Variants in CNTN5 observed in about 807,000 individuals in gnomAD.
CNTN5 encodes contactin-5.
In CNTN5, 77 loss-of-function variants were observed where a neutral mutation model predicts 129.1. The ratio of observed to expected loss-of-function variants is 0.60; its 90% CI spans 0.50 to 0.72. CNTN5 has a LOEUF of 0.72. Ranked by LOEUF, CNTN5 falls within the 30% of genes least tolerant of loss-of-function variation. The probability of loss-of-function intolerance (pLI) is 0.00; values close to 1 mark genes in which losing one functional copy is unlikely to be tolerated. For missense variants in CNTN5, 1,478 were observed against 1,328.8 expected (o/e 1.11, Z -1.75); for synonymous variants, 509 against 465.6 (o/e 1.09, Z -1.20).
intron 13 of CNTN5, among the ~76,000 whole-genome samples, chr11:100,150,803 C>G (rs1194367004): frequency 6.6e-6 from 1 of 152,066 alleles, no homozygotes; most frequent in African/African-American, 2.4e-5. Context: ...TGGATTTAAT[C>G]TTTGTGTCTC....
At chr11:99,372,539 G>A (rs1371751048) in intron 2 of CNTN5, among the ~76,000 whole-genome samples, 1 of 152,076 alleles carries the variant, frequency 6.6e-6, no homozygotes, top group East Asian at 1.9e-4. Flanking sequence ...GGGAAAATCT[G>A]GGATAATTCC....
chr11:100,342,434 C>A (rs1952186428), intron 23 of CNTN5, among the ~76,000 whole-genome samples: 1 of 152,056 alleles, frequency 6.6e-6, no homozygotes, highest in African/African-American at 2.4e-5. Context: ...ACTGGAGAGG[C>A]AAAGTAGAAT....
chr11:100,023,772 A>G lies in CNTN5; in HGVS notation c.980+21636A>G, dbSNP rs115085733. 5.5e-3 allele frequency among the ~76,000 whole-genome samples: 843 copies of G among 152,228 alleles called. 7 individuals are homozygous for G. The highest frequency in any genetic ancestry group is 0.019 in the African/African-American group (798 of 41,536). On this transcript the variant is annotated intron_variant, in intron 9 of 24. Transcript: ENST00000524871. ...AAACCATAAAATATGTTGCCTTTTC[A>G]GGTTGGCCTTTTTAAATTTAGTAAT... is the stretch of plus-strand genomic sequence containing the variant.
intron 13 of CNTN5, among the ~76,000 whole-genome samples, chr11:100,138,954 G>T (rs568972813): frequency 3.6e-4 from 55 of 152,200 alleles, no homozygotes; most frequent in African/African-American, 1.3e-3. Context: ...GAAATGACAG[G>T]ATTTTCTAGT....
At chr11:99,373,818 C>T (rs573110484) in intron 2 of CNTN5, among the ~76,000 whole-genome samples, 8 of 151,458 alleles carry the variant, frequency 5.3e-5, no homozygotes, top group African/African-American at 1.7e-4. Flanking sequence ...ATTAATATGT[C>T]CATATTTTGT....
chr11:100,242,715 C>T (rs1949767411), intron 16 of CNTN5, among the ~76,000 whole-genome samples: 1 of 152,224 alleles, frequency 6.6e-6, no homozygotes, highest in Admixed American at 6.5e-5. Flanking sequence ...CCTACCAGAC[C>T]CTACGTCCAA....
intron 3 of CNTN5, among the ~76,000 whole-genome samples, chr11:99,566,821 T>A (rs914910616): frequency 1.3e-5 from 2 of 152,212 alleles, no homozygotes; most frequent in African/African-American, 2.4e-5. Context: ...AAGCCATGAT[T>A]ATTAATTCAT....
intron 3 of CNTN5, among the ~76,000 whole-genome samples, chr11:99,667,896 T>G (rs1002151989): frequency 6.6e-5 from 10 of 151,918 alleles, no homozygotes; most frequent in African/African-American, 2.4e-4. Flanking sequence ...ATGGCACCCA[T>G]ATACCTATGT....
At chr11:99,324,292 A>C (rs1865692243) in intron 1 of CNTN5, among the ~76,000 whole-genome samples, 1 of 152,170 alleles carries the variant, frequency 6.6e-6, no homozygotes, top group African/African-American at 2.4e-5. Context: ...GATGGCCTTC[A>C]ATCACTCTGA....
intron 1 of CNTN5, chr11:99,049,669 AC>A (rs1322357233): frequency 6.6e-6 from 1 of 152,022 alleles, no homozygotes; most frequent in African/African-American, 2.4e-5. Flanking sequence ...AAGTTCAAGT[AC>A]TCCAGTCAGC....
chr11:99,432,998 T>C (rs1174017522), intron 2 of CNTN5, among the ~76,000 whole-genome samples: 1 of 133,714 alleles, frequency 7.5e-6, no homozygotes, highest in Non-Finnish European at 1.6e-5. Flanking sequence ...TCCATGAATA[T>C]AAATGATTAC....
At chr11:99,429,120 A>G (rs1565574945) in intron 2 of CNTN5, among the ~76,000 whole-genome samples, 6 of 152,172 alleles carry the variant, frequency 3.9e-5, no homozygotes, top group Admixed American at 3.9e-4. Flanking sequence ...GGACATTTCT[A>G]ATTTTATTTT....
chr11:99,728,047 T>C (rs17134262), intron 3 of CNTN5, among the ~76,000 whole-genome samples: 8,678 of 152,214 alleles, frequency 0.057, 613 homozygotes, highest in African/African-American at 0.17. Context: ...TCAAGATCAA[T>C]GGAATCAGAA....
intron 2 of CNTN5, among the ~76,000 whole-genome samples, chr11:99,337,545 T>C (rs528630451): frequency 2.0e-5 from 3 of 152,342 alleles, no homozygotes; most frequent in Admixed American, 2.0e-4. Context: ...GGCTTAAGAA[T>C]GACTTTAGGT....
chr11:99,931,276 A>G (rs1950186280), intron 7 of CNTN5, among the ~76,000 whole-genome samples: 1 of 152,230 alleles, frequency 6.6e-6, no homozygotes, highest in Non-Finnish European at 1.5e-5. Context: ...GGAAAACTCA[A>G]TGTGTTTCAG....
chr11:99,840,565 A>G (rs1021335947), intron 4 of CNTN5, among the ~76,000 whole-genome samples: 3 of 152,136 alleles, frequency 2.0e-5, no homozygotes, highest in African/African-American at 7.2e-5. Flanking sequence ...TTCACAGACA[A>G]TAACCACTGA....
chr11:100,224,599 G>T (rs1298863013), intron 15 of CNTN5, 93 bp from the exon 16 acceptor site: 32 of 1,242,892 alleles, frequency 2.6e-5, no homozygotes, highest in Non-Finnish European at 3.4e-5. Flanking sequence ...CCAAAAATGG[G>T]CCCTTTTACT....
At chr11:100,195,952 C>G (rs971844857) in intron 15 of CNTN5, among the ~76,000 whole-genome samples, 6 of 151,876 alleles carry the variant, frequency 4.0e-5, no homozygotes, top group African/African-American at 7.3e-5. Context: ...ATTTGGGAGG[C>G]CTTCTGGGCT....
intron 2 of CNTN5, among the ~76,000 whole-genome samples, chr11:99,397,245 G>A (rs116617638): frequency 0.014 from 2,053 of 151,842 alleles, 60 homozygotes; most frequent in African/African-American, 0.047. Flanking sequence ...TTGGGAGGAA[G>A]AACATAGAGG....
Sources: gnomAD v4.1 joint callset for allele counts (sites outside exome capture counted in the v4.1 genomes callset) on GRCh38, gnomAD v4.1.1 for gene constraint, MANE v1.5 for transcripts, NCBI Gene and HGNC (gene_info 2026-07-23, HGNC 2026-07-21) for gene names.